The following KIRREL3 variants were observed in gnomAD, a reference collection of about 807,000 sequenced individuals.
The protein encoded by KIRREL3 is kirre like nephrin family adhesion molecule 3, also known as kin of IRRE-like protein 3.
In KIRREL3, 36 loss-of-function variants were observed where a neutral mutation model predicts 89.7. The ratio of observed to expected loss-of-function variants is 0.40; its 90% CI spans 0.31 to 0.53. The LOEUF (loss-of-function observed/expected upper bound fraction) is 0.53. KIRREL3 is among the 20% of genes least tolerant of loss of function. The pLI, the probability that KIRREL3 is intolerant of heterozygous loss-of-function variation, is 0.49. For synonymous variants in KIRREL3, 445 were observed against 441.4 expected (o/e 1.01, Z -0.10); for missense variants, 864 against 1,056.6 (o/e 0.82, Z 2.53).
chr11:126,868,647 T>G (rs1248226287), intron 1 of KIRREL3, among the ~76,000 whole-genome samples: 1 of 152,146 alleles, frequency 6.6e-6, no homozygotes, highest in Non-Finnish European at 1.5e-5. Flanking sequence ...TCTATCCACA[T>G]GTAGGGGCCG....
At chr11:126,760,672 G>A (rs1949641859) in intron 1 of KIRREL3, among the ~76,000 whole-genome samples, 1 of 152,216 alleles carries the variant, frequency 6.6e-6, no homozygotes, top group Non-Finnish European at 1.5e-5. Flanking sequence ...TTGAGAGGCT[G>A]TTGTGATATA....
intron 1 of KIRREL3, among the ~76,000 whole-genome samples, chr11:126,714,458 C>T (rs556325121): frequency 3.3e-4 from 50 of 152,262 alleles, no homozygotes; most frequent in East Asian, 7.7e-4. Context: ...TGTGGGACAG[C>T]GGGTGTGATG....
At chr11:126,714,657 G>T (rs1196843963) in intron 1 of KIRREL3, among the ~76,000 whole-genome samples, 2 of 152,158 alleles carry the variant, frequency 1.3e-5, no homozygotes, top group African/African-American at 4.8e-5. Flanking sequence ...GAGTTGCACG[G>T]TGGGCTGACT....
At position 126,990,413 on chromosome 11, in the gene KIRREL3, G is replaced by A. The variant is rs1950000327; in HGVS notation, c.55+10042C>T. ...GTAACGTTGCCCTCACCACCCAGAG[G>A]CGAGGAGGAGAGCCCCCCATCCCTC... On this transcript the variant is annotated intron_variant, in intron 1 of 16. Coordinates refer to ENST00000525144, the MANE Select transcript of KIRREL3 (RefSeq NM_032531.4). The surrounding 1 kb of genome is among the most constrained non-coding windows in gnomAD (Gnocchi z 6.3). 6.6e-6 allele frequency among the ~76,000 whole-genome samples: 1 copy of A among 151,704 alleles called. No homozygotes were observed. The highest frequency in any genetic ancestry group is 2.4e-5 in the African/African-American group (1 of 41,112).
intron 1 of KIRREL3, among the ~76,000 whole-genome samples, chr11:126,618,689 C>A (rs1296421640): frequency 1.3e-5 from 2 of 152,246 alleles, no homozygotes; most frequent in Non-Finnish European, 2.9e-5. Context: ...CCTGCCTTGG[C>A]CTCCCAAAGC....
intron 1 of KIRREL3, among the ~76,000 whole-genome samples, chr11:126,775,968 C>T (rs1950158335): frequency 6.6e-6 from 1 of 152,160 alleles, no homozygotes; most frequent in African/African-American, 2.4e-5. Flanking sequence ...ATGGCTGAGG[C>T]TGATGGACGA....
intron 1 of KIRREL3, among the ~76,000 whole-genome samples, chr11:126,962,938 A>G (rs942469392): frequency 6.6e-5 from 10 of 152,224 alleles, no homozygotes; most frequent in Non-Finnish European, 1.3e-4. Context: ...AAGATTTTGT[A>G]AATTAAGGTC....
At chr11:126,831,435 T>TCTCTCTCTC (rs1943604007) in intron 1 of KIRREL3, among the ~76,000 whole-genome samples, 2 of 149,914 alleles carry the variant, frequency 1.3e-5, no homozygotes, top group Admixed American at 6.6e-5. Context: ...CTCTCTCTCT[T>TCTCTCTCTC]TCTCTCTCTC....
At chr11:126,583,923 G>A (rs896159302) in intron 1 of KIRREL3, among the ~76,000 whole-genome samples, 2 of 152,152 alleles carry the variant, frequency 1.3e-5, no homozygotes, top group Non-Finnish European at 2.9e-5. Flanking sequence ...CTTTCAGAAG[G>A]CATTACAGGC....
Position 126,526,501 on chromosome 11 carries a change from G to A in KIRREL3, c.283+37C>T, listed in dbSNP as rs140589213. 5.1e-4 allele frequency: 813 copies of A among 1,587,040 alleles called. 3 individuals carry two copies. In the African/African-American group the frequency reaches 9.5e-3, roughly 19 times the overall value. ...TGGATGGGTGAGTAAGGAAGTGATG[G>A]CCCCAGGCCCACCCCAGGAGGTCTG... On this transcript the variant is annotated intron_variant, in intron 3 of 16. Coordinates refer to ENST00000525144, the MANE Select transcript of KIRREL3 (RefSeq NM_032531.4). This position sits in a 1 kb window ranked among gnomAD's most constrained non-coding sequence, Gnocchi z 5.7.
intron 1 of KIRREL3, among the ~76,000 whole-genome samples, chr11:126,937,629 G>C (rs758454107): frequency 7.9e-5 from 12 of 152,196 alleles, no homozygotes; most frequent in Non-Finnish European, 1.6e-4. Context: ...GGCCGGGCGT[G>C]GTGGCTCATG....
Position 126,905,313 on chromosome 11 carries a change from T to C in KIRREL3, c.55+95142A>G, listed in dbSNP as rs1592323403. On this transcript the variant is annotated intron_variant, in intron 1 of 16. Coordinates refer to ENST00000525144, the MANE Select transcript of KIRREL3 (RefSeq NM_032531.4). This position sits in a 1 kb window ranked among gnomAD's most constrained non-coding sequence, Gnocchi z 5.0. Reference sequence around the variant, plus strand: ...GCAAGCTGAGGGGCTGCACCAGGAATACAGGATTCCTGGGAGTTGATGGGA... The same window carrying C: ...GCAAGCTGAGGGGCTGCACCAGGAACACAGGATTCCTGGGAGTTGATGGGA... Among the ~76,000 whole-genome samples, 2 of 152,212 alleles carry C rather than the reference T, an allele frequency of 1.3e-5. No individual in the cohort carries two copies. The highest frequency in any genetic ancestry group is 1.9e-4 in the East Asian group (1 of 5,166).
At chr11:126,494,972 G>A (rs1957617408) in intron 4 of KIRREL3, among the ~76,000 whole-genome samples, 1 of 152,250 alleles carries the variant, frequency 6.6e-6, no homozygotes, top group Non-Finnish European at 1.5e-5. Context: ...CGGGTGAGCA[G>A]ACGCTCCTGT....
chr11:126,860,754 G>A lies in KIRREL3; in HGVS notation c.55+139701C>T, dbSNP rs919495028. On this transcript the variant is annotated intron_variant, in intron 1 of 16. Coordinates refer to ENST00000525144, the MANE Select transcript of KIRREL3 (RefSeq NM_032531.4). This position sits in a 1 kb window ranked among gnomAD's most constrained non-coding sequence, Gnocchi z 4.6. ...AGGCCAGTGAGGAGGCTCCTGCCCT[G>A]GTCCAAAGGAGAGAGGCTGAGACTC... Among the ~76,000 whole-genome samples the A allele has an allele frequency of 2.0e-5, 3 of 152,192 alleles. No homozygotes were observed. The highest frequency in any genetic ancestry group is 2.9e-5 in the Non-Finnish European group (2 of 68,038).
At chr11:126,654,193 G>C (rs868644744) in intron 1 of KIRREL3, among the ~76,000 whole-genome samples, 22 of 152,246 alleles carry the variant, frequency 1.4e-4, no homozygotes, top group Middle Eastern at 3.4e-3. Context: ...GACAGGTGGC[G>C]GGGAAGACCT....
chr11:126,866,935 T>C (rs1484668720), intron 1 of KIRREL3, among the ~76,000 whole-genome samples: 1 of 152,114 alleles, frequency 6.6e-6, no homozygotes, highest in Non-Finnish European at 1.5e-5. Context: ...CAAGCCCACA[T>C]GGGATCTGAT....
intron 1 of KIRREL3, among the ~76,000 whole-genome samples, chr11:126,586,092 A>G (rs1011653675): frequency 2.0e-5 from 3 of 152,188 alleles, no homozygotes; most frequent in African/African-American, 7.2e-5. Context: ...ACTCAGCCAC[A>G]GGATCCCTCC....
At chr11:126,461,258 T>C (rs542576957) in intron 6 of KIRREL3, among the ~76,000 whole-genome samples, 2 of 152,366 alleles carry the variant, frequency 1.3e-5, no homozygotes, top group East Asian at 3.9e-4. Flanking sequence ...TACTGCTCCA[T>C]GTGGCTGCTC....
intron 1 of KIRREL3, among the ~76,000 whole-genome samples, chr11:126,846,948 G>A (rs552274559): frequency 3.4e-5 from 5 of 145,444 alleles, no homozygotes; most frequent in African/African-American, 1.3e-4. Flanking sequence ...TTAAACATTT[G>A]AATAAAAGCA....
Sources: gnomAD v4.1 joint callset for allele counts (sites outside exome capture counted in the v4.1 genomes callset) on GRCh38, gnomAD v4.1.1 for gene constraint, Gnocchi (gnomAD v3.1) non-coding constraint, MANE v1.5 for transcripts, NCBI Gene and HGNC (gene_info 2026-07-23, HGNC 2026-07-21) for gene names.